Variants in NAA11 observed in about 807,000 individuals in gnomAD.
NAA11 encodes N-alpha-acetyltransferase 11, NatA catalytic subunit.
A neutral mutation model predicts 16.1 loss-of-function variants in NAA11; 15 were observed. The ratio of observed to expected loss-of-function variants is 0.93; its 90% CI spans 0.62 to 1.44. The LOEUF (loss-of-function observed/expected upper bound fraction) is 1.44. NAA11 is among the 40% of genes most tolerant of loss of function. The pLI is 0.00. For synonymous variants in NAA11, 122 were observed against 112.4 expected (o/e 1.09, Z -0.54); for missense variants, 298 against 291.3 (o/e 1.02, Z -0.17).
the NAA11 span, among the ~76,000 whole-genome samples, chr4:79,164,012 A>G: frequency 6.6e-6 from 1 of 151,630 alleles, no homozygotes; most frequent in Non-Finnish European, 1.5e-5. Flanking sequence ...CGGTCTTTTT[A>G]TCGCTTTTTA....
chr4:79,297,537 G>A (rs1310355064), intron 1 of NAA11, among the ~76,000 whole-genome samples: 1 of 152,226 alleles, frequency 6.6e-6, no homozygotes, highest in African/African-American at 2.4e-5. Flanking sequence ...TGCTCCCACT[G>A]ACTTGCCTCT....
chr4:79,275,947 C>T (rs888854362), intron 2 of NAA11, among the ~76,000 whole-genome samples: 2 of 152,010 alleles, frequency 1.3e-5, no homozygotes, highest in African/African-American at 4.8e-5. Context: ...GGGAGGAGAC[C>T]TTAACCAAAC....
the NAA11 span, among the ~76,000 whole-genome samples, chr4:79,160,322 T>C: frequency 6.6e-6 from 1 of 152,222 alleles, no homozygotes; most frequent in African/African-American, 2.4e-5. Context: ...CTATTATAAA[T>C]AATCCTGCTT....
chr4:79,272,831 G>A (rs1453863460), intron 2 of NAA11, among the ~76,000 whole-genome samples: 3 of 151,918 alleles, frequency 2.0e-5, no homozygotes, highest in East Asian at 1.9e-4. Context: ...GATATCTAGA[G>A]CCTCTACTGG....
intron 2 of NAA11, among the ~76,000 whole-genome samples, chr4:79,273,786 G>C (rs768983026): frequency 1.3e-5 from 2 of 152,054 alleles, no homozygotes; most frequent in Non-Finnish European, 2.9e-5. Context: ...CCTCTAAGCA[G>C]AACATGTATT....
chr4:79,229,509 C>T (rs1721408562), intron 2 of NAA11, among the ~76,000 whole-genome samples: 1 of 151,894 alleles, frequency 6.6e-6, no homozygotes, highest in African/African-American at 2.4e-5. Flanking sequence ...CTTAGATACA[C>T]ACGAGTTAAG....
the NAA11 span, among the ~76,000 whole-genome samples, chr4:79,186,525 T>G: frequency 6.6e-6 from 1 of 152,182 alleles, no homozygotes; most frequent in Non-Finnish European, 1.5e-5. Flanking sequence ...TTTTATTGCT[T>G]TGAATAACTG....
At chr4:79,308,050 C>T (rs1318744899) in intron 1 of NAA11, among the ~76,000 whole-genome samples, 2 of 152,050 alleles carry the variant, frequency 1.3e-5, no homozygotes, top group African/African-American at 2.4e-5. Flanking sequence ...GAAACTAGTG[C>T]TCTCTCATGC....
intron 2 of NAA11, among the ~76,000 whole-genome samples, chr4:79,231,974 AT>A (rs1721476770): frequency 1.3e-5 from 2 of 151,818 alleles, no homozygotes; most frequent in African/African-American, 4.8e-5. Flanking sequence ...CAATACATGA[AT>A]ATTTAGTGAC....
In NAA11 at chr4:79,290,564, T is replaced by A. The variant is rs896455066; in HGVS notation, c.*122+3441A>T. Reference sequence around the variant, plus strand: ...TCGGTTTCTTCTTGGCAGATTTAAATTGTTAGAGAAATGAAACTCGTTTGA... The same window carrying A: ...TCGGTTTCTTCTTGGCAGATTTAAAATGTTAGAGAAATGAAACTCGTTTGA... On this transcript the variant is annotated intron_variant and NMD_transcript_variant, in intron 2 of 2. Coordinates refer to the NAA11 transcript ENST00000511542. Among the ~76,000 whole-genome samples, 8 of 152,250 alleles carry A rather than the reference T, an allele frequency of 5.3e-5. 1 individual carries two copies. Among genetic ancestry groups the A allele is most frequent in the Admixed American group, 5.2e-4 (8 of 15,292 alleles).
At chr4:79,267,587 T>C (rs1309039516) in intron 2 of NAA11, among the ~76,000 whole-genome samples, 1 of 152,126 alleles carries the variant, frequency 6.6e-6, no homozygotes, top group Non-Finnish European at 1.5e-5. Context: ...TACAATGGAA[T>C]CTCATAACTG....
At chr4:79,322,514 T>TAC (rs1179863055) in intron 1 of NAA11, among the ~76,000 whole-genome samples, 3 of 151,664 alleles carry the variant, frequency 2.0e-5, no homozygotes, top group African/African-American at 7.3e-5. Flanking sequence ...TGTATATATA[T>TAC]ATATATGGTT....
chr4:79,234,260 A>G (rs1721526078), intron 2 of NAA11, among the ~76,000 whole-genome samples: 1 of 152,148 alleles, frequency 6.6e-6, no homozygotes, highest in Non-Finnish European at 1.5e-5. Context: ...TCTGGATTAA[A>G]TCCAGAATTG....
chr4:79,241,335 CTG>C (rs1361791097), intron 2 of NAA11, among the ~76,000 whole-genome samples: 3 of 152,116 alleles, frequency 2.0e-5, no homozygotes, highest in Non-Finnish European at 4.4e-5. Context: ...CGTTACATAA[CTG>C]TTAATGTTAT....
At chr4:79,277,491 T>A (rs989807609) in intron 2 of NAA11, among the ~76,000 whole-genome samples, 5 of 152,144 alleles carry the variant, frequency 3.3e-5, no homozygotes, top group Non-Finnish European at 5.9e-5. Flanking sequence ...GGTTGTTAGA[T>A]ATGAATTCTA....
At chr4:79,243,735 G>C (rs572152286) in intron 2 of NAA11, among the ~76,000 whole-genome samples, 1 of 152,174 alleles carries the variant, frequency 6.6e-6, no homozygotes, top group Non-Finnish European at 1.5e-5. Context: ...AAAAGAGATC[G>C]AAGCAAGTTT....
the NAA11 span, among the ~76,000 whole-genome samples, chr4:79,186,878 C>G: frequency 6.6e-6 from 1 of 152,014 alleles, no homozygotes; most frequent in South Asian, 2.1e-4. Flanking sequence ...GCATATAACA[C>G]CTGAGAAGCA....
At chr4:79,258,758 T>C (rs1722183471) in intron 2 of NAA11, 1 of 152,190 alleles carries the variant, frequency 6.6e-6, no homozygotes, top group Admixed American at 6.6e-5. Context: ...CAGACAGGAG[T>C]GGGAACTTGT....
chr4:79,294,102 A>T (rs2109995412), exon 2 of NAA11: 1 of 152,374 alleles, frequency 6.6e-6, no homozygotes, highest in African/African-American at 2.4e-5. Flanking sequence ...TAAATCACTC[A>T]GTCTGTGGCA....
Sources: gnomAD v4.1 joint callset for allele counts (sites outside exome capture counted in the v4.1 genomes callset) on GRCh38, gnomAD v4.1.1 for gene constraint, MANE v1.5 for transcripts, NCBI Gene and HGNC (gene_info 2026-07-23, HGNC 2026-07-21) for gene names.